The following RNF130 variants were observed in gnomAD, a reference collection of about 807,000 sequenced individuals.
RNF130 encodes the protein ring finger protein 130.
A neutral mutation model predicts 44.6 loss-of-function variants in RNF130; 21 were observed. That is an observed-to-expected ratio of 0.47 (90% CI 0.33 to 0.68). RNF130 has a LOEUF of 0.68. RNF130 is among the 30% of genes least tolerant of loss of function. The probability of loss-of-function intolerance (pLI) is 0.02; values close to 1 mark genes in which losing one functional copy is unlikely to be tolerated. For synonymous variants in RNF130, 214 were observed against 210.4 expected, an observed-to-expected ratio of 1.02 and a Z score of -0.15; for missense variants, 479 against 560.6, an observed-to-expected ratio of 0.85 and a Z score of 1.47.
intron 7 of RNF130, among the ~76,000 whole-genome samples, chr5:179,949,123 G>A (rs1160954932): frequency 1.3e-5 from 2 of 151,848 alleles, no homozygotes; most frequent in East Asian, 1.9e-4. Context: ...GTGCCACCAC[G>A]CCCGGCTAAT....
intron 1 of RNF130, among the ~76,000 whole-genome samples, chr5:180,070,204 C>T (rs1217836026): frequency 6.6e-6 from 1 of 152,202 alleles, no homozygotes; most frequent in Admixed American, 6.5e-5. Context: ...AGCAGGAACG[C>T]AAATATTTAC....
intron 7 of RNF130, among the ~76,000 whole-genome samples, chr5:179,927,366 A>C (rs1208860525): frequency 6.6e-6 from 1 of 152,188 alleles, no homozygotes; most frequent in Non-Finnish European, 1.5e-5. Context: ...GTAAACTCTT[A>C]ATTGAGGCAT....
rs562569908 is a variant in RNF130 at position 180,012,631 on chromosome 5, AT to A, written c.693+429del. ...ATGACAGAGGTTTTTCATTGATTTCATTTTCTGAATAGATAATACTTTCCCA... is the reference window on the plus strand; with the variant it reads ...ATGACAGAGGTTTTTCATTGATTTCATTTCTGAATAGATAATACTTTCCCA... On this transcript the variant is annotated intron_variant, in intron 3 of 8. Coordinates refer to ENST00000521389, the MANE Select transcript of RNF130 (RefSeq NM_018434.6). Among the ~76,000 whole-genome samples the A allele has an allele frequency of 2.0e-3, 308 of 152,206 alleles. 1 individual carries two copies. The highest frequency in any genetic ancestry group is 6.8e-3 in the African/African-American group (282 of 41,524).
At chr5:180,022,068 G>GT (rs1358361364) in intron 2 of RNF130, among the ~76,000 whole-genome samples, 1 of 152,238 alleles carries the variant, frequency 6.6e-6, no homozygotes, top group Admixed American at 6.5e-5. Context: ...GCCGCTGGCA[G>GT]TAACAACACG....
In RNF130 at chr5:180,013,133, A is replaced by C; in HGVS notation, c.621T>G (p.Ile207Met). Residue 207 changes from isoleucine to methionine, a missense_variant, in exon 3 of 9, where the codon ATT becomes ATG. Transcript: ENST00000521389. ...AGAATATGAGCCATGCTGAAGAAAT[A>C]ATCATCAAAACAATAAAGGATATTG... The part of the protein sequence containing the change: ...FVSISFIVLM[I>M]ISSAWLIFYF... The C allele has an allele frequency of 1.2e-6, 2 of 1,614,154 alleles. No homozygotes were observed. Among genetic ancestry groups the C allele is most frequent in the African/African-American group, 1.3e-5 (1 of 75,040 alleles).
chr5:180,069,143 G>A (rs1455604020), intron 1 of RNF130, among the ~76,000 whole-genome samples: 1 of 152,186 alleles, frequency 6.6e-6, no homozygotes, highest in Non-Finnish European at 1.5e-5. Flanking sequence ...TGCAACAGCA[G>A]AAGATTTAGA....
intron 3 of RNF130, among the ~76,000 whole-genome samples, chr5:179,999,281 G>A (rs1432096401): frequency 4.6e-5 from 7 of 151,640 alleles, no homozygotes; most frequent in South Asian, 2.1e-4. Context: ...TCGGCCTCCC[G>A]AAGTGCTGGG....
intron 2 of RNF130, among the ~76,000 whole-genome samples, chr5:180,038,385 AG>A (rs201371560): frequency 0.017 from 2,032 of 120,996 alleles, 64 homozygotes; most frequent in Admixed American, 0.095. Context: ...TGTCTCGGGG[AG>A]GGGGAAAAAA....
chr5:180,044,483 A>T (rs1425442704), intron 1 of RNF130, among the ~76,000 whole-genome samples: 2 of 152,168 alleles, frequency 1.3e-5, no homozygotes, highest in Non-Finnish European at 2.9e-5. Flanking sequence ...GCTCAGCTAC[A>T]CGCTAAGTAC....
At chr5:179,958,079 G>A (rs903520461) in intron 8 of RNF130, among the ~76,000 whole-genome samples, 3 of 151,970 alleles carry the variant, frequency 2.0e-5, no homozygotes, top group African/African-American at 4.8e-5. Flanking sequence ...GGGTTTCACT[G>A]TTTTAGCCGG....
At chr5:180,005,138 G>A (rs934424583) in intron 3 of RNF130, among the ~76,000 whole-genome samples, 5 of 152,186 alleles carry the variant, frequency 3.3e-5, no homozygotes, top group East Asian at 3.9e-4. Context: ...CTAAAAAACC[G>A]TACTGATGGC....
chr5:179,929,830 A>G (rs1344551212), intron 7 of RNF130, among the ~76,000 whole-genome samples: 1 of 152,142 alleles, frequency 6.6e-6, no homozygotes, highest in African/African-American at 2.4e-5. Context: ...CCGAAATCAC[A>G]GTAAGTCTAT....
chr5:179,981,069 T>C (rs1373124690), intron 3 of RNF130, among the ~76,000 whole-genome samples: 3 of 151,732 alleles, frequency 2.0e-5, no homozygotes, highest in Admixed American at 6.6e-5. Flanking sequence ...GGGAAGGGGT[T>C]AGATGGGAAA....
At chr5:179,969,147 A>G (rs2113706361) in intron 6 of RNF130, among the ~76,000 whole-genome samples, 1 of 152,308 alleles carries the variant, frequency 6.6e-6, no homozygotes, top group Admixed American at 6.5e-5. Context: ...TTGAGACCAG[A>G]AACTATGTTA....
In RNF130 at chr5:179,970,485, G is replaced by C; in HGVS notation, c.870C>G (p.Cys290Trp). ...AATGTTCACTAAGCCAGGGATCCACGCAGGATTTGTGGAAAACATGCCTAT... is the reference window on the plus strand; with the variant it reads ...AATGTTCACTAAGCCAGGGATCCACCCAGGATTTGTGGAAAACATGCCTAT... ...LPCKHVFHKS[C>W]VDPWLSEHCT... The change falls in exon 6 of 9, where the codon TGC becomes TGG. Residue 290 changes from cysteine (C) to tryptophan (W), a missense_variant. Physicochemically the swap from Cys to Trp is radical, Grantham distance 215 (BLOSUM62 -2). Around this residue, in one of 3 missense-constraint regions of RNF130, gnomAD observed 180 missense variants for 275.1 expected, o/e 0.65. Coordinates refer to ENST00000521389, the MANE Select transcript of RNF130 (RefSeq NM_018434.6). 6.2e-7 allele frequency: 1 copy of C among 1,613,100 alleles called. No homozygotes were observed. The highest frequency in any genetic ancestry group is 8.5e-7 in the Non-Finnish European group (1 of 1,179,408).
At chr5:179,990,602 T>A (rs1053843994) in intron 3 of RNF130, among the ~76,000 whole-genome samples, 7 of 152,198 alleles carry the variant, frequency 4.6e-5, no homozygotes, top group African/African-American at 1.7e-4. Context: ...GAGACTCCCT[T>A]TCCTGGTCTG....
In RNF130 at chr5:180,048,165, A is replaced by G. The variant is rs141187021; in HGVS notation, c.248-7518T>C. On this transcript the variant is annotated intron_variant, in intron 1 of 8. Coordinates refer to ENST00000521389, the MANE Select transcript of RNF130 (RefSeq NM_018434.6). ...AAGAATCGGGAGAGGAAAGTGGAAA[A>G]TTACACACACAGAAGGGAATTCATT... 3.9e-3 allele frequency among the ~76,000 whole-genome samples: 588 copies of G among 152,288 alleles called. 2 individuals are homozygous for G. Among genetic ancestry groups the G allele is most frequent in the South Asian group, 7.5e-3 (36 of 4,822 alleles).
chr5:179,952,308 A>T (rs1762137881), downstream of RNF130, among the ~76,000 whole-genome samples: 1 of 151,950 alleles, frequency 6.6e-6, no homozygotes, highest in Non-Finnish European at 1.5e-5. Context: ...CAAATGACTC[A>T]AACTGTCTCA....
chr5:179,958,344 G>T (rs1425212924), intron 8 of RNF130, among the ~76,000 whole-genome samples: 1 of 152,236 alleles, frequency 6.6e-6, no homozygotes, highest in Non-Finnish European at 1.5e-5. Context: ...ATTTGTTTCA[G>T]TTACACATGG....
Sources: gnomAD v4.1 joint callset for allele counts (sites outside exome capture counted in the v4.1 genomes callset) on GRCh38, gnomAD v4.1.1 for gene constraint, gnomAD v4.1.1 regional missense constraint, MANE v1.5 for transcripts, NCBI Gene and HGNC (gene_info 2026-07-23, HGNC 2026-07-21) for gene names.